Variants in DCLK1 observed in about 807,000 individuals in gnomAD.
DCLK1 encodes doublecortin like kinase 1, also known as serine/threonine-protein kinase DCLK1.
A neutral mutation model predicts 86.2 loss-of-function variants in DCLK1; 16 were observed. The observed-to-expected ratio is 0.19, with a 90% CI of 0.13 to 0.28. The LOEUF is 0.28. Among genes scored for constraint, DCLK1 ranks in the 10% least tolerant of loss-of-function variants. DCLK1 has a pLI of 1.00. For missense variants in DCLK1, 590 were observed against 940.2 expected (o/e 0.63, Z 4.87); for synonymous variants, 369 against 370.5 (o/e 1.00, Z 0.05).
At chr13:35,874,099 G>A (rs534282196) in intron 4 of DCLK1, among the ~76,000 whole-genome samples, 152 of 152,064 alleles carry the variant, frequency 1.0e-3, no homozygotes, top group African/African-American at 3.4e-3. Flanking sequence ...CCCATTTTAC[G>A]CTTTAGTAAC....
intron 2 of DCLK1, among the ~76,000 whole-genome samples, chr13:36,124,675 C>T (rs1886106943): frequency 1.3e-5 from 2 of 152,178 alleles, no homozygotes; most frequent in Admixed American, 6.5e-5. Flanking sequence ...ATATGGCATC[C>T]CTCCTGGACC....
Position 36,100,204 on chromosome 13 carries a change from A to C in DCLK1, c.723+11665T>G, listed in dbSNP as rs1454332818. On this transcript the variant is annotated intron_variant, in intron 3 of 16. Transcript: ENST00000360631. ...CAAAAAAAAAAAAAAAAAAAAAAAAAAAAAAAAAACCACACACACACAAAA... is the reference window on the plus strand; with the variant it reads ...CAAAAAAAAAAAAAAAAAAAAAAAACAAAAAAAAACCACACACACACAAAA... 4.9e-4 allele frequency among the ~76,000 whole-genome samples: 47 copies of C among 95,236 alleles called. 1 individual carries two copies. The highest frequency in any genetic ancestry group is 1.7e-3 in the East Asian group (3 of 1,736). 62.5% of individuals were successfully genotyped at this position (95,236 alleles called of 152,430 possible).
intron 5 of DCLK1, among the ~76,000 whole-genome samples, chr13:35,862,886 C>T (rs546648172): frequency 1.1e-3 from 136 of 124,496 alleles, no homozygotes; most frequent in Non-Finnish European, 2.1e-3. Context: ...ACTTATTACA[C>T]TATTATAGTT....
chr13:36,106,209 A>G (rs1885391198), intron 3 of DCLK1, among the ~76,000 whole-genome samples: 1 of 152,202 alleles, frequency 6.6e-6, no homozygotes, highest in Non-Finnish European at 1.5e-5. Context: ...AAAGTGAAAA[A>G]AAAAAGGACT....
At position 35,810,936 on chromosome 13, in the gene DCLK1, C is replaced by T. The variant is rs769855573; in HGVS notation, c.1587G>A (p.Leu529=). Residue 529 remains leucine, a synonymous_variant, in exon 12 of 17, where the codon CTG becomes CTA. Transcript: ENST00000360631. The part of the protein sequence containing the change: ...VYEHQDGSKS[L]KLGDFGLATI... ...TGGCCAGTCCAAAGTCACCCAGCTTCAGTGATTTGCTGCCATCTTGGTGCT... is the reference window on the plus strand; with the variant it reads ...TGGCCAGTCCAAAGTCACCCAGCTTTAGTGATTTGCTGCCATCTTGGTGCT... 6.2e-7 allele frequency: 1 copy of T among 1,614,050 alleles called. No homozygotes were observed. The highest frequency in any genetic ancestry group is 8.5e-7 in the Non-Finnish European group (1 of 1,179,972).
chr13:35,771,624 C>T lies in DCLK1; in HGVS notation c.*2911G>A, dbSNP rs1436756947. 2 of 152,086 alleles carry T rather than the reference C, an allele frequency of 1.3e-5. No individual in the cohort carries two copies. The highest frequency in any genetic ancestry group is 3.9e-4 in the East Asian group (2 of 5,190). The allele number at this position is 152,086 out of a possible 1,614,324, so 9.4% of individuals were successfully genotyped here. ...CTTCCTTAACTAGTCTACTATCAAA[C>T]TGAAAAGATGAATCTTAAAATTCCC... On this transcript the variant is annotated 3_prime_UTR_variant, in exon 17 of 17. Transcript: ENST00000360631.
Position 35,904,827 on chromosome 13 carries a change from G to C in DCLK1, c.824-33487C>G, listed in dbSNP as rs143240370. Among the ~76,000 whole-genome samples, 509 of 152,274 alleles carry C rather than the reference G, an allele frequency of 3.3e-3. 4 individuals are homozygous for C. The highest frequency in any genetic ancestry group is 0.011 in the African/African-American group (458 of 41,572). ...GGCAGCAATCTGCAAAATTGCAAAG[G>C]GGCATTTTGGCTTTTTGCCCTTCTA... On this transcript the variant is annotated intron_variant, in intron 4 of 16. Coordinates refer to ENST00000360631, the MANE Select transcript of DCLK1 (RefSeq NM_001330071.2).
At chr13:35,881,303 T>C (rs183330780) in intron 4 of DCLK1, among the ~76,000 whole-genome samples, 115 of 152,296 alleles carry the variant, frequency 7.6e-4, no homozygotes, top group African/African-American at 2.3e-3. Context: ...ACTTCCAACT[T>C]AGCACCAACT....
intron 3 of DCLK1, among the ~76,000 whole-genome samples, chr13:35,959,651 C>G (rs1878346281): frequency 6.6e-6 from 1 of 152,164 alleles, no homozygotes; most frequent in Non-Finnish European, 1.5e-5. Context: ...CGTGGGCAGG[C>G]AGTTTGTAGT....
chr13:35,828,784 A>T (rs1868699812), intron 8 of DCLK1, among the ~76,000 whole-genome samples: 1 of 152,110 alleles, frequency 6.6e-6, no homozygotes, highest in Non-Finnish European at 1.5e-5. Flanking sequence ...AGCAGAGATG[A>T]GTTTCCGCCC....
At chr13:35,867,679 T>C (rs1250405399) in intron 5 of DCLK1, among the ~76,000 whole-genome samples, 1 of 152,084 alleles carries the variant, frequency 6.6e-6, no homozygotes, top group Non-Finnish European at 1.5e-5. Flanking sequence ...TTTTCAGAAA[T>C]GAATATAAAT....
At chr13:35,903,338 C>G (rs981767378) in intron 4 of DCLK1, among the ~76,000 whole-genome samples, 1 of 152,206 alleles carries the variant, frequency 6.6e-6, no homozygotes, top group African/African-American at 2.4e-5. Flanking sequence ...GCACTGCTTA[C>G]AGAAACCTTG....
chr13:35,905,371 T>C (rs1273804563), intron 4 of DCLK1, among the ~76,000 whole-genome samples: 1 of 152,206 alleles, frequency 6.6e-6, no homozygotes, highest in Non-Finnish European at 1.5e-5. Flanking sequence ...TTCAGAGAAA[T>C]GCTCAGAATT....
In DCLK1 at chr13:35,989,340, C is replaced by T. The variant is rs58586826; in HGVS notation, c.724-41883G>A. ...AGGCTGGAGTGCAGTGACACGATGTCGACTCACTGCAACATCCGCCTCCTG... is the reference window on the plus strand; with the variant it reads ...AGGCTGGAGTGCAGTGACACGATGTTGACTCACTGCAACATCCGCCTCCTG... On this transcript the variant is annotated intron_variant, in intron 3 of 16. Coordinates refer to ENST00000360631, the MANE Select transcript of DCLK1 (RefSeq NM_001330071.2). Among the ~76,000 whole-genome samples, 336 of 152,154 alleles carry T rather than the reference C, an allele frequency of 2.2e-3. 1 individual carries two copies. The highest frequency in any genetic ancestry group is 7.2e-3 in the African/African-American group (299 of 41,488).
intron 3 of DCLK1, among the ~76,000 whole-genome samples, chr13:36,076,669 C>T (rs766750172): frequency 7.2e-5 from 11 of 152,004 alleles, no homozygotes; most frequent in Admixed American, 2.6e-4. Flanking sequence ...GGACTCCTTA[C>T]GATCTGCACA....
chr13:36,093,578 C>T (rs1333329057), intron 3 of DCLK1, among the ~76,000 whole-genome samples: 1 of 152,132 alleles, frequency 6.6e-6, no homozygotes, highest in Admixed American at 6.5e-5. Context: ...ATGCTAGAGA[C>T]CCCTGAGGAC....
At chr13:36,024,968 CT>C (rs1427973007) in intron 3 of DCLK1, among the ~76,000 whole-genome samples, 268 of 139,052 alleles carry the variant, frequency 1.9e-3, no homozygotes, top group Non-Finnish European at 1.9e-3. Flanking sequence ...TCTTTTCTTT[CT>C]TTTTTTTTTT....
At chr13:35,989,707 T>C (rs1347359425) in intron 3 of DCLK1, among the ~76,000 whole-genome samples, 5 of 137,990 alleles carry the variant, frequency 3.6e-5, no homozygotes, top group South Asian at 4.7e-4. Flanking sequence ...GCCTGGCTAA[T>C]TGGCTTTTTT....
chr13:35,847,333 T>C, intron 6 of DCLK1: 2 of 985,236 alleles, frequency 2.0e-6, no homozygotes, highest in South Asian at 4.7e-5. Flanking sequence ...GAAGATTTTA[T>C]GTATAATTCC....
Sources: gnomAD v4.1 joint callset for allele counts (sites outside exome capture counted in the v4.1 genomes callset) on GRCh38, gnomAD v4.1.1 for gene constraint, MANE v1.5 for transcripts, NCBI Gene and HGNC (gene_info 2026-07-23, HGNC 2026-07-21) for gene names.